Variants in SLC24A2 observed in about 807,000 individuals in gnomAD.
SLC24A2 encodes the protein solute carrier family 24 member 2, also known as sodium/potassium/calcium exchanger 2.
A neutral mutation model predicts 62.0 loss-of-function variants in SLC24A2; 36 were observed. The ratio of observed to expected loss-of-function variants is 0.58; its 90% CI spans 0.44 to 0.77. The LOEUF (loss-of-function observed/expected upper bound fraction) is 0.77. SLC24A2 is among the 30% of genes least tolerant of loss of function. SLC24A2 has a pLI of 0.00. For missense variants in SLC24A2, 846 were observed against 817.9 expected (o/e 1.03, Z -0.42); for synonymous variants, 358 against 294.0 (o/e 1.22, Z -2.23).
chr9:20,219,966 G>A, the SLC24A2 span, among the ~76,000 whole-genome samples: 201 of 152,024 alleles, frequency 1.3e-3, 8 homozygotes, highest in Non-Finnish European at 8.8e-4. Context: ...TACCATACAG[G>A]GTTGAAAATA....
chr9:20,010,132 C>T, the SLC24A2 span, among the ~76,000 whole-genome samples: 1 of 152,184 alleles, frequency 6.6e-6, no homozygotes, highest in Non-Finnish European at 1.5e-5. Flanking sequence ...ATACCATTCT[C>T]CCTCAGAACA....
the SLC24A2 span, among the ~76,000 whole-genome samples, chr9:19,810,387 G>C: frequency 1.0e-3 from 155 of 152,324 alleles, 1 homozygote; most frequent in Middle Eastern, 6.8e-3. Context: ...TTAGAGACTA[G>C]TCTTTTTAAA....
chr9:19,788,650 C>G, intron 1 of SLC24A2: 1 of 985,456 alleles, frequency 1.0e-6, no homozygotes, highest in Non-Finnish European at 1.2e-6. Context: ...ACGGCAGGCC[C>G]TGCCCCACGC....
chr9:20,273,892 G>C, the SLC24A2 span, among the ~76,000 whole-genome samples: 18 of 152,244 alleles, frequency 1.2e-4, no homozygotes, highest in African/African-American at 3.6e-4. Flanking sequence ...CATTTCTGAA[G>C]GTTCTCATGT....
Position 19,507,472 on chromosome 9 carries a change from T to A in SLC24A2, c.*8681A>T, listed in dbSNP as rs918610186. 3.3e-5 allele frequency: 5 copies of A among 152,184 alleles called. No homozygotes were observed. Among genetic ancestry groups the A allele is most frequent in the Non-Finnish European group, 1.5e-5 (1 of 68,032 alleles). 9.4% of individuals were successfully genotyped at this position (152,184 alleles called of 1,614,324 possible). A position where few individuals can be genotyped will look rare whatever the true frequency, so the allele number is the denominator to read the frequency against. On this transcript the variant is annotated 3_prime_UTR_variant, in exon 11 of 11. Transcript: ENST00000341998. ...AACAATACTTCTTTGAGTCAATAAT[T>A]TTATTACTATTATTTTTCACACTGA...
At chr9:19,648,894 A>G (rs1818717102) in intron 2 of SLC24A2, among the ~76,000 whole-genome samples, 1 of 151,418 alleles carries the variant, frequency 6.6e-6, no homozygotes, top group Non-Finnish European at 1.5e-5. Context: ...GAAGGAAATG[A>G]CTCAAAGTTA....
At chr9:19,782,641 C>T (rs543949404) in intron 2 of SLC24A2, among the ~76,000 whole-genome samples, 8 of 152,102 alleles carry the variant, frequency 5.3e-5, no homozygotes, top group Non-Finnish European at 1.2e-4. Context: ...TTTTATAACT[C>T]TTGAATCTAA....
chr9:19,549,260 C>A (rs1417357400), intron 8 of SLC24A2, among the ~76,000 whole-genome samples: 2 of 152,204 alleles, frequency 1.3e-5, no homozygotes, highest in Admixed American at 6.5e-5. Context: ...TTCTTACCTT[C>A]TCAGAGACAA....
intron 2 of SLC24A2, among the ~76,000 whole-genome samples, chr9:19,730,676 T>C (rs1409239363): frequency 6.6e-6 from 1 of 152,216 alleles, no homozygotes; most frequent in African/African-American, 2.4e-5. Flanking sequence ...CACATATGTA[T>C]ATTGACAATG....
chr9:19,937,341 CA>C, the SLC24A2 span, among the ~76,000 whole-genome samples: 1 of 152,178 alleles, frequency 6.6e-6, no homozygotes, highest in East Asian at 1.9e-4. Flanking sequence ...TTGAAATGTA[CA>C]GAATAATGGT....
In SLC24A2 at chr9:19,586,017, C is replaced by T. The variant is rs539063365; in HGVS notation, c.1130-8995G>A. Reference sequence around the variant, plus strand: ...TTTTCAATTGCATCTCCTGCATCCTCCTGATTTACTCTTCACAAGGCTTGG... The same window carrying T: ...TTTTCAATTGCATCTCCTGCATCCTTCTGATTTACTCTTCACAAGGCTTGG... On this transcript the variant is annotated intron_variant, in intron 5 of 10. Coordinates refer to ENST00000341998, the MANE Select transcript of SLC24A2 (RefSeq NM_020344.4). Among the ~76,000 whole-genome samples the T allele has an allele frequency of 6.6e-5, 10 of 152,276 alleles. No homozygotes were observed. In the South Asian group the frequency reaches 2.1e-3, roughly 32 times the overall value.
chr9:20,063,928 TAA>T, the SLC24A2 span, among the ~76,000 whole-genome samples: 1 of 152,184 alleles, frequency 6.6e-6, no homozygotes, highest in Non-Finnish European at 1.5e-5. Context: ...AGCAGTTTCT[TAA>T]AAAGTTACAC....
chr9:19,545,852 T>C (rs941712985), intron 8 of SLC24A2, among the ~76,000 whole-genome samples: 2 of 152,114 alleles, frequency 1.3e-5, no homozygotes, highest in Non-Finnish European at 2.9e-5. Context: ...TTAGCCAGGA[T>C]GGTCTCAATC....
chr9:19,589,857 A>G (rs1471029933), intron 5 of SLC24A2, among the ~76,000 whole-genome samples: 1 of 152,206 alleles, frequency 6.6e-6, no homozygotes, highest in African/African-American at 2.4e-5. Context: ...AATCTTGAGC[A>G]TTGCAAAAGA....
the SLC24A2 span, among the ~76,000 whole-genome samples, chr9:20,074,127 C>G: frequency 2.6e-5 from 4 of 152,016 alleles, no homozygotes; most frequent in African/African-American, 7.2e-5. Flanking sequence ...ACTGTTCCAT[C>G]ATATAATCAG....
the SLC24A2 span, among the ~76,000 whole-genome samples, chr9:19,827,386 G>A: frequency 3.3e-5 from 5 of 152,114 alleles, no homozygotes; most frequent in African/African-American, 1.2e-4. Context: ...CTTTCTTCCT[G>A]AGAATGGCAA....
the SLC24A2 span, among the ~76,000 whole-genome samples, chr9:20,282,607 T>G: frequency 1.3e-5 from 2 of 152,152 alleles, no homozygotes; most frequent in Admixed American, 1.3e-4. Context: ...AGAAGTAACA[T>G]GAATTGGTAT....
chr9:20,011,224 C>T, the SLC24A2 span, among the ~76,000 whole-genome samples: 2 of 152,120 alleles, frequency 1.3e-5, no homozygotes, highest in Non-Finnish European at 2.9e-5. Context: ...ACAGTCCCAC[C>T]AACAGTGTAA....
At chr9:19,933,346 T>G in the SLC24A2 span, among the ~76,000 whole-genome samples, 8 of 152,214 alleles carry the variant, frequency 5.3e-5, no homozygotes, top group Non-Finnish European at 1.0e-4. Flanking sequence ...GATCACAAGT[T>G]AAGAACTTCT....
Sources: allele counts gnomAD v4.1 joint callset (sites outside exome capture counted in the v4.1 genomes callset), GRCh38; gene constraint gnomAD v4.1.1; transcripts MANE v1.5; gene names NCBI Gene and HGNC (gene_info 2026-07-23, HGNC 2026-07-21).